The following FGFR2 variants were observed in gnomAD, a reference collection of about 807,000 sequenced individuals.
FGFR2 encodes the protein fibroblast growth factor receptor 2.
A neutral mutation model predicts 95.9 loss-of-function variants in FGFR2; 19 were observed. The ratio of observed to expected loss-of-function variants is 0.20; its 90% CI spans 0.14 to 0.29. The LOEUF is 0.29. Among genes scored for constraint, FGFR2 ranks in the 10% least tolerant of loss-of-function variants. The pLI, the probability that FGFR2 is intolerant of heterozygous loss-of-function variation, is 1.00. For missense variants in FGFR2, 707 were observed against 1,056.9 expected (o/e 0.67, Z 4.59); for synonymous variants, 392 against 393.3 (o/e 1.00, Z 0.04).
rs1324646777 is a variant in FGFR2, at chr10:121,516,123, C to T, written c.1085-804G>A. On this transcript the variant is annotated intron_variant, in intron 8 of 17. Transcript: ENST00000358487. ...TTTTATATCAACTTCCAATGTCTGA[C>T]TTCTTCTTAGTCCTCGATGATCCAT... is the stretch of plus-strand genomic sequence containing the variant. 4.6e-5 allele frequency among the ~76,000 whole-genome samples: 7 copies of T among 152,214 alleles called. No individual in the cohort carries two copies. In the South Asian group the frequency reaches 1.2e-3, roughly 27 times the overall value.
At chr10:121,513,100 C>G (rs1333558598) in intron 9 of FGFR2, among the ~76,000 whole-genome samples, 1 of 152,204 alleles carries the variant, frequency 6.6e-6, no homozygotes, top group African/African-American at 2.4e-5. Flanking sequence ...TCTCGAACTC[C>G]TGACCTCGGG....
intron 6 of FGFR2, among the ~76,000 whole-genome samples, chr10:121,534,786 T>A (rs1852595336): frequency 6.6e-6 from 1 of 152,148 alleles, no homozygotes; most frequent in Non-Finnish European, 1.5e-5. Flanking sequence ...AGAATCCTGG[T>A]TTGGAAGGGA....
At chr10:121,548,272 T>TG in intron 5 of FGFR2, among the ~76,000 whole-genome samples, 1 of 132,756 alleles carries the variant, frequency 7.5e-6, no homozygotes, top group Non-Finnish European at 1.5e-5. Flanking sequence ...TTTTTTTTTT[T>TG]TTTTTTTGGT....
At chr10:121,522,859 G>A (rs1236883647) in intron 6 of FGFR2, among the ~76,000 whole-genome samples, 1 of 152,184 alleles carries the variant, frequency 6.6e-6, no homozygotes, top group Non-Finnish European at 1.5e-5. Flanking sequence ...AAAAACAACT[G>A]AGGGAAATGA....
intron 13 of FGFR2, among the ~76,000 whole-genome samples, chr10:121,491,686 C>A (rs993714253): frequency 1.3e-5 from 2 of 151,860 alleles, no homozygotes; most frequent in African/African-American, 4.8e-5. Context: ...CTGGCTAACA[C>A]AGCGAAACCC....
intron 13 of FGFR2, among the ~76,000 whole-genome samples, chr10:121,489,615 C>T (rs1845874036): frequency 6.6e-6 from 1 of 152,224 alleles, no homozygotes. Context: ...TTTCAACTGT[C>T]TATGGGACAC....
intron 17 of FGFR2, 107 bp from the exon 18 acceptor site, chr10:121,480,128 G>T: frequency 8.5e-7 from 1 of 1,181,388 alleles, no homozygotes; most frequent in South Asian, 1.2e-5. Flanking sequence ...AAGAAGGGAA[G>T]AGAAGAGTTT....
At chr10:121,536,401 T>C (rs1852819421) in intron 6 of FGFR2, among the ~76,000 whole-genome samples, 1 of 152,194 alleles carries the variant, frequency 6.6e-6, no homozygotes, top group South Asian at 2.1e-4. Flanking sequence ...CCAACCAGCA[T>C]TGTGTCATTA....
chr10:121,591,221 C>T (rs529338159), intron 2 of FGFR2, among the ~76,000 whole-genome samples: 1 of 152,330 alleles, frequency 6.6e-6, no homozygotes, highest in African/African-American at 2.4e-5. Context: ...GAAGTGGGGA[C>T]CCTACAGAAA....
intron 2 of FGFR2, among the ~76,000 whole-genome samples, chr10:121,574,400 G>A (rs1455491385): frequency 1.3e-5 from 2 of 152,068 alleles, no homozygotes; most frequent in South Asian, 2.1e-4. Context: ...ATGGTGGTGT[G>A]TGCCTGTAGT....
At chr10:121,482,437 T>A (rs565803346) in intron 17 of FGFR2, among the ~76,000 whole-genome samples, 1 of 152,340 alleles carries the variant, frequency 6.6e-6, no homozygotes, top group African/African-American at 2.4e-5. Flanking sequence ...TATTACTTTT[T>A]AAAAAATCAC....
At chr10:121,496,443 TAGCAAATG>T in intron 13 of FGFR2, 81 bp downstream of exon 13, 1 of 1,240,726 alleles carries the variant, frequency 8.1e-7, no homozygotes, top group Non-Finnish European at 1.2e-6. Flanking sequence ...GGGCTTGATC[TAGCAAATG>T]AGCATGTCCA....
intron 4 of FGFR2, among the ~76,000 whole-genome samples, chr10:121,560,091 ACCC>A (rs1350361015): frequency 6.6e-6 from 1 of 151,828 alleles, no homozygotes; most frequent in Non-Finnish European, 1.5e-5. Context: ...TTCTCACTCC[ACCC>A]CCATCGTGAC....
At chr10:121,554,780 G>T (rs1399280712) in intron 4 of FGFR2, among the ~76,000 whole-genome samples, 1 of 152,156 alleles carries the variant, frequency 6.6e-6, no homozygotes, top group Non-Finnish European at 1.5e-5. Flanking sequence ...TAGCCCTACT[G>T]TGTTTCCTTC....
Position 121,566,799 on chromosome 10 carries a change from C to A in FGFR2, c.110-1095G>T, listed in dbSNP as rs558472993. Reference sequence around the variant, plus strand: ...CATGGTTCTCTGTGCTTCCCGCCACCGACCCCATCCTGCTTGGCAGACACA... The same window carrying A: ...CATGGTTCTCTGTGCTTCCCGCCACAGACCCCATCCTGCTTGGCAGACACA... On this transcript the variant is annotated intron_variant, in intron 2 of 17. Transcript: ENST00000358487. Among the ~76,000 whole-genome samples the A allele has an allele frequency of 2.0e-5, 3 of 152,102 alleles. 1 individual carries two copies. Among genetic ancestry groups the A allele is most frequent in the Middle Eastern group, 6.8e-3 (2 of 294 alleles).
intron 4 of FGFR2, among the ~76,000 whole-genome samples, chr10:121,559,598 C>T (rs997961527): frequency 6.6e-6 from 1 of 152,252 alleles, no homozygotes; most frequent in African/African-American, 2.4e-5. Context: ...AACAGAGGCA[C>T]CTCCTCACAG....
chr10:121,569,983 A>G (rs1270733536), intron 2 of FGFR2, among the ~76,000 whole-genome samples: 2 of 152,236 alleles, frequency 1.3e-5, no homozygotes, highest in Non-Finnish European at 2.9e-5. Context: ...AGGAGGATGT[A>G]AGTAAGAAGA....
chr10:121,567,629 G>GA (rs1857883032), intron 2 of FGFR2, among the ~76,000 whole-genome samples: 1 of 152,242 alleles, frequency 6.6e-6, no homozygotes, highest in Non-Finnish European at 1.5e-5. Context: ...GCATTAGGAA[G>GA]AAGGACATGG....
At chr10:121,577,134 C>CAAAAAAAAAAA (rs1169487586) in intron 2 of FGFR2, among the ~76,000 whole-genome samples, 2 of 3,952 alleles carry the variant, frequency 5.1e-4, no homozygotes, top group African/African-American at 1.6e-3. Context: ...GACTCCATCT[C>CAAAAAAAAAAA]AAAAAAAAAA....
Sources: gnomAD v4.1 joint callset for allele counts (sites outside exome capture counted in the v4.1 genomes callset) on GRCh38, gnomAD v4.1.1 for gene constraint, MANE v1.5 for transcripts, NCBI Gene and HGNC (gene_info 2026-07-23, HGNC 2026-07-21) for gene names.